Variants in TGFBR3L observed in about 807,000 individuals in gnomAD.
TGFBR3L encodes the protein transforming growth factor beta receptor 3 like, also known as transforming growth factor-beta receptor type 3-like protein.
In TGFBR3L, 21 loss-of-function variants were observed where a neutral mutation model predicts 20.4. That is an observed-to-expected ratio of 1.03 (90% CI 0.73 to 1.48). TGFBR3L has a LOEUF of 1.48. Among genes scored for constraint, TGFBR3L ranks in the 40% most tolerant of loss-of-function variants. The pLI, the probability that TGFBR3L is intolerant of heterozygous loss-of-function variation, is 0.00. For missense variants in TGFBR3L, 479 were observed against 498.0 expected (o/e 0.96, Z 0.36); for synonymous variants, 245 against 244.2 (o/e 1.00, Z -0.03).
intron 4 of TGFBR3L, 26 bp downstream of exon 5, chr19:7,917,885 G>GC: frequency 7.3e-7 from 1 of 1,369,136 alleles, no homozygotes; most frequent in South Asian, 1.7e-5. Context: ...GCCAAGCCGG[G>GC]CCCCCAGTCT....
Position 7,917,702 on chromosome 19 carries a change from G to A in TGFBR3L, c.726G>A (p.Arg242=). 7.0e-7 allele frequency: 1 copy of A among 1,424,082 alleles called. No individual in the cohort carries two copies. Among genetic ancestry groups the A allele is most frequent in the Non-Finnish European group, 9.1e-7 (1 of 1,095,800 alleles). The allele number at this position is 1,424,082 out of a possible 1,614,324, so 88.2% of individuals were successfully genotyped here. A position where few individuals can be genotyped will look rare whatever the true frequency, so the allele number is the denominator to read the frequency against. Residue 242 remains arginine, a splice_region_variant and synonymous_variant, in exon 4 of 6, where the codon AGG becomes AGA. Transcript: ENST00000565886. ...GTCTCAGCGTGGCACTTCCCACAGG[G>A]CCGCCCAAGAGTGTCCCCGGCCGTG...
At position 7,917,728 on chromosome 19, in the gene TGFBR3L, C is replaced by T. The variant is rs1983378112; in HGVS notation, c.752C>T (p.Ala251Val). 1 of 1,426,070 alleles carries T rather than the reference C, an allele frequency of 7.0e-7. No individual in the cohort carries two copies. The highest frequency in any genetic ancestry group is 9.1e-7 in the Non-Finnish European group (1 of 1,098,614). The allele number at this position is 1,426,070 out of a possible 1,614,324, so 88.3% of individuals were successfully genotyped here. A position where few individuals can be genotyped will look rare whatever the true frequency, so the allele number is the denominator to read the frequency against. Residue 251 changes from alanine to valine, a missense_variant, in exon 4 of 6, where the codon GCA (alanine) becomes GTA (valine). Transcript: ENST00000565886. ...CCGCCCAAGAGTGTCCCCGGCCGTG[C>T]AGTGCGCCCTGAGCCTCCCGCGCCG... is the stretch of plus-strand genomic sequence containing the variant.
chr19:7,918,024 G>A, intron 4 of TGFBR3L, 33 bp from the exon 6 acceptor site: 1 of 1,528,078 alleles, frequency 6.5e-7, no homozygotes, highest in Non-Finnish European at 8.8e-7. Context: ...GTGGCGCGCA[G>A]CAGCCCTTCT....
In TGFBR3L at chr19:7,917,592, GC is replaced by G. The variant is rs1317284693; in HGVS notation, c.723del (p.Arg242GlyfsTer135). ...CTATCGTGGTCACCGTGCCGCGGCCGCCCCCCAGTGAGCACGCAGTCCTCCT... is the reference window on the plus strand; with the variant it reads ...CTATCGTGGTCACCGTGCCGCGGCCGCCCCCAGTGAGCACGCAGTCCTCCT... On this transcript the variant is annotated frameshift_variant, in exon 3 of 6. Coordinates refer to ENST00000565886, the MANE Select transcript of TGFBR3L (RefSeq NM_001195259.2). LOFTEE classifies it high-confidence loss of function. 5 of 1,475,566 alleles carry G rather than the reference GC, an allele frequency of 3.4e-6. No homozygotes were observed. Among genetic ancestry groups the G allele is most frequent in the Admixed American group, 2.3e-5 (1 of 43,652 alleles). The allele number at this position is 1,475,566 out of a possible 1,614,324, so 91.4% of individuals were successfully genotyped here. A position where few individuals can be genotyped will look rare whatever the true frequency, so the allele number is the denominator to read the frequency against.
At position 7,916,318 on chromosome 19, in the gene TGFBR3L, G is replaced by A; in HGVS notation, c.51G>A (p.Arg17=). Reference sequence around the variant, plus strand: ...CATCCCTTTTCCAAAGGCGGCGGCGGGGGCGAGGTGGTCGGGTCACTTTTC... The same window carrying A: ...CATCCCTTTTCCAAAGGCGGCGGCGAGGGCGAGGTGGTCGGGTCACTTTTC... Residue 17 remains arginine, a synonymous_variant, in exon 1 of 6, where the codon CGG becomes CGA. Transcript: ENST00000565886. The A allele has an allele frequency of 2.0e-6, 3 of 1,535,590 alleles. No homozygotes were observed. Among genetic ancestry groups the A allele is most frequent in the East Asian group, 2.4e-5 (1 of 40,912 alleles).
chr19:7,917,004 A>C, intron 2 of TGFBR3L, 62 bp downstream of exon 3: 1 of 1,248,874 alleles, frequency 8.0e-7, no homozygotes, highest in Non-Finnish European at 1.0e-6. Context: ...GGCACGGGCG[A>C]CTCTGGCAGT....
intron 2 of TGFBR3L, 42 bp from the exon 4 acceptor site, chr19:7,917,431 G>A (rs1164443244): frequency 1.1e-5 from 17 of 1,514,164 alleles, no homozygotes; most frequent in Admixed American, 2.1e-5. Flanking sequence ...CGATCCCGGT[G>A]CCCTGATGTC....
rs1599637405 is a variant in TGFBR3L at position 7,917,555 on chromosome 19, C to T, written c.680C>T (p.Thr227Met). The T allele has an allele frequency of 6.6e-7, 1 of 1,518,652 alleles. No individual in the cohort carries two copies. Among genetic ancestry groups the T allele is most frequent in the African/African-American group, 1.4e-5 (1 of 71,588 alleles). The allele number at this position is 1,518,652 out of a possible 1,614,324, so 94.1% of individuals were successfully genotyped here. A position where few individuals can be genotyped will look rare whatever the true frequency, so the allele number is the denominator to read the frequency against. Residue 227 changes from threonine (T) to methionine (M), a missense_variant, in exon 3 of 6, where the codon ACG becomes ATG. Transcript: ENST00000565886. ...GCTGCTGACGGCCCCCACCTGCACA[C>T]GCTGACGCAGCCTATCGTGGTCACC...
chr19:7,918,213 TG>T, intron 5 of TGFBR3L, 84 bp downstream of exon 6: 1 of 1,398,780 alleles, frequency 7.1e-7, no homozygotes, highest in Non-Finnish European at 9.6e-7. Flanking sequence ...CCAGGCACTG[TG>T]GTTTTTTTGT....
Position 7,916,233 on chromosome 19 carries a change from T to C in TGFBR3L, c.-35T>C, listed in dbSNP as rs1164143773. On this transcript the variant is annotated 5_prime_UTR_variant, in exon 1 of 6. Transcript: ENST00000565886. ...GTCCCAGGGGTCGCCAGGGGGCACA[T>C]CACCGTCAGGGGGGAAAGTGGCGCG... 1 of 1,522,668 alleles carries C rather than the reference T, an allele frequency of 6.6e-7. No homozygotes were observed. Among genetic ancestry groups the C allele is most frequent in the Admixed American group, 2.0e-5 (1 of 50,404 alleles). 94.3% of individuals were successfully genotyped at this position (1,522,668 alleles called of 1,614,324 possible). A position where few individuals can be genotyped will look rare whatever the true frequency, so the allele number is the denominator to read the frequency against.
At chr19:7,917,939 G>A (rs1055853265) in intron 4 of TGFBR3L, 80 bp downstream of exon 5, 5 of 1,394,142 alleles carry the variant, frequency 3.6e-6, no homozygotes, top group East Asian at 5.7e-5. Flanking sequence ...TCCCGCCTGC[G>A]GGGCCTGATC....
rs1299036884 is a variant in TGFBR3L, at chr19:7,914,914, G to A, written c.-1354G>A. 1.3e-5 allele frequency among the ~76,000 whole-genome samples: 2 copies of A among 152,166 alleles called. No individual in the cohort carries two copies. Among genetic ancestry groups the A allele is most frequent in the East Asian group, 1.9e-4 (1 of 5,188 alleles). On this transcript the variant is annotated 5_prime_UTR_variant, in exon 1 of 6. Transcript: ENST00000565886. ...CCCAGGGATCACCACCTTACCCAGC[G>A]GGCCACCTGGTATGTATGGGCAGGG... is the stretch of plus-strand genomic sequence containing the variant.
In TGFBR3L at chr19:7,916,457, A is replaced by G; in HGVS notation, c.190A>G (p.Ser64Gly). The change falls in exon 1 of 6, where the codon AGC (serine) becomes GGC (glycine). Residue 64 changes from serine to glycine, a missense_variant. By Grantham distance (56) the Ser-to-Gly change is moderately conservative (BLOSUM62 0). Coordinates refer to ENST00000565886, the MANE Select transcript of TGFBR3L (RefSeq NM_001195259.2). Reference sequence around the variant, plus strand: ...CCCCTGGCTGCGCAGACCCCTCTTCAGCCTGAAGCTGTCCGACACAGAGGA... The same window carrying G: ...CCCCTGGCTGCGCAGACCCCTCTTCGGCCTGAAGCTGTCCGACACAGAGGA... The G allele has an allele frequency of 6.5e-7, 1 of 1,533,506 alleles. No individual in the cohort carries two copies. The highest frequency in any genetic ancestry group is 1.2e-5 in the South Asian group (1 of 83,930). 95.0% of individuals were successfully genotyped at this position (1,533,506 alleles called of 1,614,324 possible).
At chr19:7,917,636 G>A (rs1350660762) in intron 3 of TGFBR3L, 37 bp downstream of exon 4, 1 of 1,429,720 alleles carries the variant, frequency 7.0e-7, no homozygotes, top group South Asian at 1.4e-5. Flanking sequence ...GGGCCGTGGG[G>A]CGGCAGAGCG....
Position 7,915,607 on chromosome 19 carries a change from G to A in TGFBR3L, c.-661G>A, listed in dbSNP as rs552021001. Among the ~76,000 whole-genome samples, 1 of 152,166 alleles carries A rather than the reference G, an allele frequency of 6.6e-6. No individual in the cohort carries two copies. Among genetic ancestry groups the A allele is most frequent in the African/African-American group, 2.4e-5 (1 of 41,432 alleles). ...ATAGACCCCGTATGGCCGTGGTAGC[G>A]AGTGGCTGTGGTCATAGCTACTCGA... On this transcript the variant is annotated 5_prime_UTR_variant, in exon 1 of 6. Transcript: ENST00000565886.
At position 7,916,129 on chromosome 19, in the gene TGFBR3L, C is replaced by G; in HGVS notation, c.-139C>G. 1 of 1,429,496 alleles carries G rather than the reference C, an allele frequency of 7.0e-7. No homozygotes were observed. Among genetic ancestry groups the G allele is most frequent in the Non-Finnish European group, 9.1e-7 (1 of 1,094,732 alleles). 88.6% of individuals were successfully genotyped at this position (1,429,496 alleles called of 1,614,324 possible). On this transcript the variant is annotated 5_prime_UTR_variant, in exon 1 of 6. Coordinates refer to ENST00000565886, the MANE Select transcript of TGFBR3L (RefSeq NM_001195259.2). ...GCTCCTCACCGCTTCTCTTCCGCCCCAGGGAGGGCTTCGCCAGCTTCGGAG... is the reference window on the plus strand; with the variant it reads ...GCTCCTCACCGCTTCTCTTCCGCCCGAGGGAGGGCTTCGCCAGCTTCGGAG...
intron 2 of TGFBR3L, 118 bp downstream of exon 3, chr19:7,917,060 G>A: frequency 8.2e-7 from 1 of 1,220,008 alleles, no homozygotes; most frequent in Non-Finnish European, 1.0e-6. Flanking sequence ...GGTTGGGGGA[G>A]GTGGGGCGCA....
chr19:7,917,176 C>T (rs1270227066), intron 2 of TGFBR3L: 3 of 789,046 alleles, frequency 3.8e-6, no homozygotes, highest in Non-Finnish European at 5.5e-6. Context: ...ATGCAGAAGG[C>T]CACTAAGGGG....
rs1266016904 is a variant in TGFBR3L, at chr19:7,917,596, C to G, written c.721C>G (p.Pro241Ala). The G allele has an allele frequency of 5.4e-6, 8 of 1,476,024 alleles. No individual in the cohort carries two copies. The highest frequency in any genetic ancestry group is 7.2e-6 in the Non-Finnish European group (8 of 1,115,702). The allele number at this position is 1,476,024 out of a possible 1,614,324, so 91.4% of individuals were successfully genotyped here. The change falls in exon 3 of 6, where the codon CCC becomes GCC. Residue 241 changes from proline to alanine, a missense_variant. By Grantham distance (27) the Pro-to-Ala change is conservative. Coordinates refer to ENST00000565886, the MANE Select transcript of TGFBR3L (RefSeq NM_001195259.2). ...CGTGGTCACCGTGCCGCGGCCGCCC[C>G]CCAGTGAGCACGCAGTCCTCCTCCG... is the stretch of plus-strand genomic sequence containing the variant.
Sources: allele counts gnomAD v4.1 joint callset (sites outside exome capture counted in the v4.1 genomes callset), GRCh38; gene constraint gnomAD v4.1.1; transcripts MANE v1.5; gene names NCBI Gene and HGNC (gene_info 2026-07-23, HGNC 2026-07-21).